The following SND1 variants were observed in gnomAD, a reference collection of about 807,000 sequenced individuals.
The protein encoded by SND1 is staphylococcal nuclease domain-containing protein 1.
In SND1, 38 loss-of-function variants were observed where a neutral mutation model predicts 121.7. That is an observed-to-expected ratio of 0.31 (90% CI 0.24 to 0.41). The LOEUF (loss-of-function observed/expected upper bound fraction) is 0.41, where lower values mean the gene tolerates loss of function less well. Among genes scored for constraint, SND1 ranks in the 10% least tolerant of loss-of-function variants. The pLI is 1.00. For missense variants in SND1, 868 were observed against 1,184.6 expected, an observed-to-expected ratio of 0.73 and a Z score of 3.92; for synonymous variants, 401 against 447.4, an observed-to-expected ratio of 0.90 and a Z score of 1.31.
chr7:127,861,884 G>A (rs1026236616), intron 12 of SND1, among the ~76,000 whole-genome samples: 1 of 152,212 alleles, frequency 6.6e-6, no homozygotes, highest in Non-Finnish European at 1.5e-5. Flanking sequence ...GGAGTGTATA[G>A]GCAGAGCATG....
chr7:128,058,920 G>A (rs1431044636), intron 16 of SND1, among the ~76,000 whole-genome samples: 1 of 151,798 alleles, frequency 6.6e-6, no homozygotes, highest in Non-Finnish European at 1.5e-5. Flanking sequence ...TGTTCCCCTT[G>A]CCCATCCTTC....
At chr7:127,927,460 A>G (rs982136864) in intron 14 of SND1, among the ~76,000 whole-genome samples, 1 of 152,174 alleles carries the variant, frequency 6.6e-6, no homozygotes, top group African/African-American at 2.4e-5. Context: ...TTTCTTTCCC[A>G]TGGAGCATTT....
chr7:127,847,255 G>A (rs1799082725), intron 12 of SND1, among the ~76,000 whole-genome samples: 1 of 152,148 alleles, frequency 6.6e-6, no homozygotes, highest in South Asian at 2.1e-4. Context: ...CTGGGCAATA[G>A]AGTGAGACTT....
chr7:127,716,289 C>T (rs896586955), intron 9 of SND1, among the ~76,000 whole-genome samples: 1 of 152,120 alleles, frequency 6.6e-6, no homozygotes, highest in Non-Finnish European at 1.5e-5. Flanking sequence ...ATCTGTAAAT[C>T]GCTTTTGGGT....
chr7:127,791,128 A>G (rs1170273140), intron 10 of SND1, among the ~76,000 whole-genome samples: 1 of 147,960 alleles, frequency 6.8e-6, no homozygotes, highest in Non-Finnish European at 1.5e-5. Flanking sequence ...GAATGAAATG[A>G]GCTTTACCTC....
chr7:127,888,037 A>C, intron 13 of SND1, 25 bp downstream of exon 13: 3 of 1,520,978 alleles, frequency 2.0e-6, no homozygotes, highest in Non-Finnish European at 2.7e-6. Flanking sequence ...TACTAAACAC[A>C]TGGGGAACCC....
At chr7:127,853,349 A>G (rs1799209620) in intron 12 of SND1, among the ~76,000 whole-genome samples, 1 of 152,210 alleles carries the variant, frequency 6.6e-6, no homozygotes, top group African/African-American at 2.4e-5. Flanking sequence ...TTAAAGAAAA[A>G]TCTGAGTATC....
At chr7:127,846,249 C>CT (rs1400621003) in intron 12 of SND1, among the ~76,000 whole-genome samples, 13 of 151,736 alleles carry the variant, frequency 8.6e-5, no homozygotes, top group African/African-American at 1.5e-4. Context: ...ATGAAATATT[C>CT]TTTTTTTTGT....
intron 16 of SND1, among the ~76,000 whole-genome samples, chr7:128,000,255 A>G (rs1802793258): frequency 6.6e-6 from 1 of 152,154 alleles, no homozygotes; most frequent in African/African-American, 2.4e-5. Flanking sequence ...TTGACAAACT[A>G]AAGATGACCT....
intron 13 of SND1, among the ~76,000 whole-genome samples, chr7:127,889,245 T>C (rs1388750363): frequency 6.6e-6 from 1 of 152,068 alleles, no homozygotes; most frequent in Non-Finnish European, 1.5e-5. Context: ...CTCATAAACC[T>C]CCTTACTTTC....
chr7:127,888,290 AGTGCTCTATAGGAGATAT>A, intron 13 of SND1, among the ~76,000 whole-genome samples: 1 of 152,190 alleles, frequency 6.6e-6, no homozygotes, highest in South Asian at 2.1e-4. Flanking sequence ...AGCATGAATG[AGTGCTCTATAGGAGATAT>A]GTTTATCATC....
At chr7:127,986,118 C>T (rs1240780264) in intron 15 of SND1, among the ~76,000 whole-genome samples, 2 of 152,038 alleles carry the variant, frequency 1.3e-5, no homozygotes, top group South Asian at 2.1e-4. Context: ...TCATAAAACT[C>T]GAAAAAGAGT....
At chr7:128,022,274 T>C (rs897801040) in intron 16 of SND1, among the ~76,000 whole-genome samples, 6 of 152,044 alleles carry the variant, frequency 3.9e-5, no homozygotes, top group African/African-American at 1.4e-4. Context: ...GTACTGTTTC[T>C]TTGGCATCCT....
intron 11 of SND1, among the ~76,000 whole-genome samples, chr7:127,827,111 C>G (rs1053642154): frequency 6.6e-6 from 1 of 152,164 alleles, no homozygotes; most frequent in South Asian, 2.1e-4. Context: ...AGTTATAACT[C>G]TTTTAGTAAC....
At chr7:128,064,893 G>T (rs1793287967) in intron 16 of SND1, among the ~76,000 whole-genome samples, 1 of 152,176 alleles carries the variant, frequency 6.6e-6, no homozygotes, top group Non-Finnish European at 1.5e-5. Context: ...GGTCAAAAAT[G>T]ATTAAATCTG....
chr7:127,832,352 T>C (rs1309488381), intron 11 of SND1, among the ~76,000 whole-genome samples: 1 of 152,216 alleles, frequency 6.6e-6, no homozygotes, highest in Admixed American at 6.5e-5. Context: ...AATGATGTTA[T>C]AATAATTTAG....
At chr7:127,985,569 C>T (rs1366717382) in intron 15 of SND1, among the ~76,000 whole-genome samples, 2 of 152,244 alleles carry the variant, frequency 1.3e-5, no homozygotes, top group East Asian at 3.9e-4. Context: ...TGTACTATTT[C>T]TTAACATTAT....
intron 2 of SND1, among the ~76,000 whole-genome samples, chr7:127,692,877 C>T (rs548927521): frequency 3.5e-4 from 53 of 152,264 alleles, no homozygotes; most frequent in Middle Eastern, 3.4e-3. Context: ...GTTTCTTCAG[C>T]GAGCCTTAAA....
intron 1 of SND1, among the ~76,000 whole-genome samples, chr7:127,681,119 T>A (rs1428147737): frequency 6.6e-6 from 1 of 152,150 alleles, no homozygotes; most frequent in Admixed American, 6.5e-5. Context: ...CCACCCATAA[T>A]GTATGAGGGG....
Sources: gnomAD v4.1 joint callset for allele counts (sites outside exome capture counted in the v4.1 genomes callset) on GRCh38, gnomAD v4.1.1 for gene constraint, MANE v1.5 for transcripts, NCBI Gene and HGNC (gene_info 2026-07-23, HGNC 2026-07-21) for gene names.